The following NEO1 variants were observed in gnomAD, a reference collection of about 807,000 sequenced individuals.
NEO1 encodes neogenin 1.
NEO1 carries 63 observed loss-of-function variants against 159.7 expected under a neutral mutation model. That is an observed-to-expected ratio of 0.39 (90% CI 0.32 to 0.49). The LOEUF (loss-of-function observed/expected upper bound fraction) is 0.49, where lower values mean the gene tolerates loss of function less well. Ranked by LOEUF, NEO1 falls within the 20% of genes least tolerant of loss-of-function variation. NEO1 has a pLI of 0.85. For missense variants in NEO1, 1,615 were observed against 1,831.0 expected, an observed-to-expected ratio of 0.88 and a Z score of 2.15; for synonymous variants, 633 against 662.0, an observed-to-expected ratio of 0.96 and a Z score of 0.67.
At chr15:73,145,455 T>C (rs567942145) in intron 5 of NEO1, among the ~76,000 whole-genome samples, 1 of 152,284 alleles carries the variant, frequency 6.6e-6, no homozygotes, top group East Asian at 1.9e-4. Flanking sequence ...GAAATAAGGA[T>C]GTGTGCAAAG....
intron 19 of NEO1, among the ~76,000 whole-genome samples, 164 bp from the exon 20 acceptor site, chr15:73,273,647 C>T (rs2041276745): frequency 6.6e-6 from 1 of 152,076 alleles, no homozygotes; most frequent in African/African-American, 2.4e-5. Flanking sequence ...TCAGGCAATT[C>T]CTGGTTTTCA....
At chr15:73,253,363 TAA>T in intron 11 of NEO1, 35 bp from the exon 12 acceptor site, 8 of 1,335,852 alleles carry the variant, frequency 6.0e-6, no homozygotes, top group Non-Finnish European at 8.2e-6. Context: ...TATGGGTGAT[TAA>T]AAAAAAAATT....
intron 5 of NEO1, among the ~76,000 whole-genome samples, chr15:73,138,768 A>AG (rs2032070216): frequency 6.6e-6 from 1 of 151,208 alleles, no homozygotes; most frequent in East Asian, 1.9e-4. Flanking sequence ...AAAAAAAAAA[A>AG]AAACAAAAAA....
intron 1 of NEO1, among the ~76,000 whole-genome samples, chr15:73,115,363 G>A (rs2071249731): frequency 6.6e-6 from 1 of 152,146 alleles, no homozygotes; most frequent in Non-Finnish European, 1.5e-5. Flanking sequence ...ATACCTGCTT[G>A]TGGTGTTTGG....
At chr15:73,236,245 G>T (rs758737793) in intron 7 of NEO1, 102 bp from the exon 8 acceptor site, 20 of 1,489,408 alleles carry the variant, frequency 1.3e-5, no homozygotes, top group South Asian at 2.4e-5. Context: ...TAAAACCGTC[G>T]TGGTTTGCCC....
chr15:73,282,079 T>C (rs1461542158), intron 22 of NEO1, among the ~76,000 whole-genome samples: 1 of 152,212 alleles, frequency 6.6e-6, no homozygotes, highest in Non-Finnish European at 1.5e-5. Context: ...ACTGGCTGCA[T>C]TTCTCTTCCT....
chr15:73,203,236 G>A (rs1020479026), intron 7 of NEO1, among the ~76,000 whole-genome samples: 1 of 152,150 alleles, frequency 6.6e-6, no homozygotes, highest in African/African-American at 2.4e-5. Context: ...ATGCAGAAGA[G>A]TTCCAGGTTT....
intron 1 of NEO1, among the ~76,000 whole-genome samples, chr15:73,115,641 C>T (rs903159194): frequency 1.3e-5 from 2 of 152,054 alleles, no homozygotes; most frequent in Non-Finnish European, 2.9e-5. Context: ...ATGAAGAAAG[C>T]TGATGACAAC....
chr15:73,082,928 C>A (rs1328082781), intron 1 of NEO1, among the ~76,000 whole-genome samples: 2 of 152,114 alleles, frequency 1.3e-5, no homozygotes, highest in African/African-American at 4.8e-5. Context: ...CTGACAGATA[C>A]AGACCCTGGC....
chr15:73,236,265 C>A, intron 7 of NEO1, 82 bp from the exon 8 acceptor site: 3 of 1,601,116 alleles, frequency 1.9e-6, no homozygotes, highest in Non-Finnish European at 2.6e-6. Context: ...CTTCATATTC[C>A]CCAATGTTTG....
intron 5 of NEO1, among the ~76,000 whole-genome samples, chr15:73,167,224 T>G (rs2034638734): frequency 6.6e-6 from 1 of 151,012 alleles, no homozygotes; most frequent in South Asian, 2.1e-4. Context: ...TGTATACATA[T>G]GTAACAAACC....
intron 7 of NEO1, among the ~76,000 whole-genome samples, chr15:73,220,781 TC>T (rs2038200245): frequency 1.3e-5 from 2 of 152,222 alleles, no homozygotes; most frequent in Non-Finnish European, 2.9e-5. Flanking sequence ...CTCCATCAGC[TC>T]CTTTAAGCAC....
intron 3 of NEO1, among the ~76,000 whole-genome samples, chr15:73,124,029 C>CGT (rs141773056): frequency 5.9e-5 from 9 of 151,478 alleles, no homozygotes; most frequent in Non-Finnish European, 1.2e-4. Flanking sequence ...TGCGTTTGTG[C>CGT]GTGTGTGTGT....
At chr15:73,286,971 T>C (rs1364944381) in intron 23 of NEO1, among the ~76,000 whole-genome samples, 1 of 152,208 alleles carries the variant, frequency 6.6e-6, no homozygotes, top group Non-Finnish European at 1.5e-5. Flanking sequence ...ACAGCTGGTA[T>C]AAAGTTTTAA....
chr15:73,131,110 A>G (rs2031068571), intron 4 of NEO1, among the ~76,000 whole-genome samples: 1 of 152,200 alleles, frequency 6.6e-6, no homozygotes, highest in East Asian at 1.9e-4. Context: ...GAAGAGAGCT[A>G]AAACAGAAGG....
chr15:73,162,060 CT>C, intron 5 of NEO1: 1 of 240,476 alleles, frequency 4.2e-6, no homozygotes, highest in East Asian at 1.1e-4. Context: ...GCATTTTTGG[CT>C]GGAGTGTCTC....
Position 73,249,010 on chromosome 15 carries a change from G to A in NEO1, c.1607-50G>A, listed in dbSNP as rs776025839. The A allele has an allele frequency of 6.9e-6, 11 of 1,588,086 alleles. No individual in the cohort carries two copies. In the African/African-American group the frequency reaches 8.1e-5, roughly 12 times the overall value. The stretch of plus-strand genomic sequence containing the variant: ...CAGTATTGCCAAGAATGGTTATTGA[G>A]GAGTGTAGCATTTCATTTATATCTT... On this transcript the variant is annotated intron_variant, in intron 9 of 28. Coordinates refer to ENST00000261908, the MANE Select transcript of NEO1 (RefSeq NM_002499.4).
chr15:73,174,464 A>C (rs918838455), intron 5 of NEO1, among the ~76,000 whole-genome samples: 3 of 152,186 alleles, frequency 2.0e-5, no homozygotes, highest in African/African-American at 2.4e-5. Context: ...AATGGGATGC[A>C]GTGTGTCAGA....
chr15:73,301,549 C>G (rs1377909347), intron 28 of NEO1, 92 bp downstream of exon 28: 8 of 1,533,878 alleles, frequency 5.2e-6, no homozygotes, highest in African/African-American at 4.1e-5. Context: ...CTGTGCATAC[C>G]AGGCCCGCCA....
Sources: gnomAD v4.1 joint callset for allele counts (sites outside exome capture counted in the v4.1 genomes callset) on GRCh38, gnomAD v4.1.1 for gene constraint, MANE v1.5 for transcripts, NCBI Gene and HGNC (gene_info 2026-07-23, HGNC 2026-07-21) for gene names.